DCP1A: variants seen among roughly 807,000 people sequenced by gnomAD.
DCP1A encodes the protein decapping mRNA 1A.
Under a neutral mutation model 58.0 loss-of-function variants are expected in DCP1A, and 20 were observed. That is an observed-to-expected ratio of 0.34 (90% CI 0.24 to 0.50). DCP1A has a LOEUF of 0.50. Among genes scored for constraint, DCP1A ranks in the 20% least tolerant of loss-of-function variants. The probability of loss-of-function intolerance (pLI) is 0.98; values close to 1 mark genes in which losing one functional copy is unlikely to be tolerated. For synonymous variants in DCP1A, 285 were observed against 275.1 expected (o/e 1.04, Z -0.36); for missense variants, 613 against 712.2 (o/e 0.86, Z 1.59).
In DCP1A at chr3:53,288,219, C is replaced by T. The variant is rs1706718257; in HGVS notation, c.1514G>A (p.Ser505Asn). The T allele has an allele frequency of 1.2e-6, 2 of 1,613,940 alleles. No homozygotes were observed. Among genetic ancestry groups the T allele is most frequent in the South Asian group, 2.2e-5 (2 of 91,070 alleles). The stretch of plus-strand genomic sequence containing the variant: ...TCTTGTAACTGTCTGCTGGAAAACA[C>T]TTGGGGCCAGCAGGACTGAAGACAC... ...TAVSSVLLAP[S>N]VFQQTVTRSS... The change falls in exon 9 of 10, where the codon AGT becomes AAT. Residue 505 changes from serine to asparagine, a missense_variant. By Grantham distance (46) the Ser-to-Asn change is conservative. This residue lies in a region of DCP1A where 498 missense variants were observed against 556.7 expected (regional missense o/e 0.89). Coordinates refer to ENST00000610213, the MANE Select transcript of DCP1A (RefSeq NM_018403.7).
chr3:53,315,723 T>C (rs1360199491), intron 4 of DCP1A, among the ~76,000 whole-genome samples: 2 of 150,300 alleles, frequency 1.3e-5, no homozygotes, highest in Non-Finnish European at 1.5e-5. Context: ...ATAAACATTG[T>C]TTGGAGTAAA....
At chr3:53,304,393 A>C (rs1292274514) in intron 5 of DCP1A, 103 bp from the exon 6 acceptor site, 1 of 794,464 alleles carries the variant, frequency 1.3e-6, no homozygotes, top group Non-Finnish European at 2.0e-6. Context: ...ATTTTTTAAA[A>C]AGAAGAAGAA....
At chr3:53,304,752 T>C (rs1268423876) in intron 5 of DCP1A, among the ~76,000 whole-genome samples, 1 of 151,842 alleles carries the variant, frequency 6.6e-6, no homozygotes, top group South Asian at 2.1e-4. Context: ...TTTCTTTTTT[T>C]TTTTGTATTT....
intron 3 of DCP1A, among the ~76,000 whole-genome samples, chr3:53,322,563 C>T (rs1707999469): frequency 6.6e-6 from 1 of 151,832 alleles, no homozygotes; most frequent in African/African-American, 2.4e-5. Flanking sequence ...TATTGATACA[C>T]ACAGCAAGTG....
intron 4 of DCP1A, among the ~76,000 whole-genome samples, chr3:53,316,664 G>C (rs1553689287): frequency 7.7e-6 from 1 of 130,336 alleles, no homozygotes; most frequent in Non-Finnish European, 1.6e-5. Flanking sequence ...GGATGGTCTT[G>C]AACTCCTGGC....
intron 3 of DCP1A, among the ~76,000 whole-genome samples, chr3:53,333,767 A>C (rs556535939): frequency 1.1e-4 from 17 of 152,310 alleles, no homozygotes; most frequent in African/African-American, 4.1e-4. Flanking sequence ...ATCATTCAAA[A>C]TTATTTTATC....
chr3:53,329,096 C>A (rs143604664), intron 3 of DCP1A: 1 of 352,216 alleles, frequency 2.8e-6, no homozygotes, highest in Non-Finnish European at 5.0e-6. Context: ...TTGGATTGGA[C>A]AAATTGTAAA....
chr3:53,333,930 C>G (rs552532079), intron 3 of DCP1A, among the ~76,000 whole-genome samples: 11 of 152,020 alleles, frequency 7.2e-5, no homozygotes, highest in Non-Finnish European at 1.6e-4. Flanking sequence ...TGCTTACTTT[C>G]AACCTTTCCA....
At chr3:53,330,781 T>C (rs1575616460) in intron 3 of DCP1A, among the ~76,000 whole-genome samples, 1 of 151,702 alleles carries the variant, frequency 6.6e-6, no homozygotes, top group East Asian at 1.9e-4. Context: ...TTAATCACGT[T>C]GGTTAAAAAC....
intron 4 of DCP1A, among the ~76,000 whole-genome samples, chr3:53,316,223 C>G (rs1015461514): frequency 3.3e-5 from 5 of 152,082 alleles, no homozygotes; most frequent in Admixed American, 3.3e-4. Context: ...AGGTGATATT[C>G]TCAAATATGT....
chr3:53,309,653 T>A (rs1306674446), intron 5 of DCP1A, among the ~76,000 whole-genome samples: 2 of 152,084 alleles, frequency 1.3e-5, no homozygotes, highest in African/African-American at 4.8e-5. Flanking sequence ...TAGTCGTGGC[T>A]AATTGGGAGG....
intron 6 of DCP1A, among the ~76,000 whole-genome samples, chr3:53,297,216 TA>T (rs1553686868): frequency 6.6e-6 from 1 of 152,220 alleles, no homozygotes; most frequent in African/African-American, 2.4e-5. Context: ...TGGCCATTTG[TA>T]TACCTTATAT....
chr3:53,342,340 T>C, intron 2 of DCP1A, 69 bp from the exon 3 acceptor site: 1 of 1,155,022 alleles, frequency 8.7e-7, no homozygotes, highest in Non-Finnish European at 1.2e-6. Context: ...ATCTACTATG[T>C]ACTTTATTTT....
chr3:53,331,144 A>G (rs1323179548), intron 3 of DCP1A, among the ~76,000 whole-genome samples: 1 of 152,224 alleles, frequency 6.6e-6, no homozygotes, highest in Non-Finnish European at 1.5e-5. Context: ...GGCATGAGTC[A>G]CTGCGCCTGG....
chr3:53,305,818 G>A (rs1553687974), intron 5 of DCP1A, among the ~76,000 whole-genome samples: 1 of 151,964 alleles, frequency 6.6e-6, no homozygotes, highest in Admixed American at 6.5e-5. Context: ...TGTCGCATAT[G>A]GACATCTAAT....
intron 6 of DCP1A, among the ~76,000 whole-genome samples, chr3:53,302,965 T>TTC (rs2106817875): frequency 6.6e-6 from 1 of 151,858 alleles, no homozygotes; most frequent in South Asian, 2.1e-4. Flanking sequence ...AATTAAATTT[T>TTC]TGAGACAGGG....
intron 6 of DCP1A, among the ~76,000 whole-genome samples, chr3:53,295,904 T>TC (rs1289971897): frequency 7.9e-5 from 12 of 151,814 alleles, no homozygotes; most frequent in African/African-American, 2.9e-4. Context: ...GTCTTTTTTT[T>TC]TTTTTTGAGA....
rs754414116 is a variant in DCP1A, at chr3:53,346,962, AGAG to A, written c.135+418_135+420del. Among the ~76,000 whole-genome samples the A allele has an allele frequency of 4.0e-5, 6 of 149,824 alleles. No homozygotes were observed. The East Asian group carries it at 7.9e-4, about 20-fold the overall frequency. On this transcript the variant is annotated intron_variant, in intron 1 of 9. Transcript: ENST00000610213. ...GCTCTCATTTACGTTTGCCAGGGGG[AGAG>A]GAGGAGTGTTTATTTTATAGATAAT...
chr3:53,333,413 G>T lies in DCP1A; in HGVS notation c.304+8731C>A, dbSNP rs868909308. ...CCCTCCTCGGCCTCCCAAAGTACTG[G>T]GATTATAGGCGTGAGCCACTGCGCC... On this transcript the variant is annotated intron_variant, in intron 3 of 9. Coordinates refer to ENST00000610213, the MANE Select transcript of DCP1A (RefSeq NM_018403.7). 1.5e-3 allele frequency among the ~76,000 whole-genome samples: 230 copies of T among 151,988 alleles called. 2 individuals are homozygous for T. The highest frequency in any genetic ancestry group is 5.1e-3 in the African/African-American group (212 of 41,460).
Sources: gnomAD v4.1 joint callset for allele counts (sites outside exome capture counted in the v4.1 genomes callset) on GRCh38, gnomAD v4.1.1 for gene constraint, gnomAD v4.1.1 regional missense constraint, MANE v1.5 for transcripts, NCBI Gene and HGNC (gene_info 2026-07-23, HGNC 2026-07-21) for gene names.